Variants in CYREN observed in about 807,000 individuals in gnomAD.
CYREN encodes the protein cell cycle regulator of NHEJ.
CYREN carries 7 observed loss-of-function variants against 9.7 expected under a neutral mutation model. The observed-to-expected ratio is 0.72, with a 90% CI of 0.41 to 1.36. The LOEUF is 1.36. CYREN is among the 40% of genes most tolerant of loss of function. CYREN has a pLI of 0.01. For synonymous variants in CYREN, 76 were observed against 77.9 expected (o/e 0.98, Z 0.13); for missense variants, 215 against 198.1 (o/e 1.09, Z -0.51).
chr7:135,119,388 C>A (rs1449460244), intron 2 of CYREN, among the ~76,000 whole-genome samples: 2 of 64 alleles, frequency 0.031, no homozygotes, highest in African/African-American at 0.083. Flanking sequence ...CACCACCATG[C>A]CTGGCCCAAT....
intron 2 of CYREN, among the ~76,000 whole-genome samples, chr7:135,095,283 T>C (rs1460942957): frequency 3.3e-5 from 5 of 152,070 alleles, no homozygotes; most frequent in African/African-American, 1.2e-4. Flanking sequence ...GGATACTTCC[T>C]CTCCCCCATA....
chr7:135,138,049 A>G (rs1459894639), intron 2 of CYREN, among the ~76,000 whole-genome samples: 1 of 152,014 alleles, frequency 6.6e-6, no homozygotes, highest in Non-Finnish European at 1.5e-5. Flanking sequence ...ACATCAGACC[A>G]TAACAACCGC....
intron 2 of CYREN, among the ~76,000 whole-genome samples, chr7:135,123,212 G>A (rs55957404): frequency 0.032 from 4,801 of 152,264 alleles, 246 homozygotes; most frequent in African/African-American, 0.11. Context: ...ATGACCTGGT[G>A]GAGCTGAAAA....
chr7:135,148,274 A>T (rs1209112867), intron 2 of CYREN: 2 of 363,446 alleles, frequency 5.5e-6, no homozygotes, highest in African/African-American at 4.3e-5. Flanking sequence ...CCTTTCTGTA[A>T]GTACCGATCC....
chr7:135,164,531 C>A, downstream of CYREN: 1 of 1,614,160 alleles, frequency 6.2e-7, no homozygotes, highest in East Asian at 2.2e-5. Context: ...TGATGTTTTA[C>A]GCTCTTCTCT....
At chr7:135,096,305 G>C (rs1330684309) in intron 2 of CYREN, among the ~76,000 whole-genome samples, 1 of 151,506 alleles carries the variant, frequency 6.6e-6, no homozygotes, top group Non-Finnish European at 1.5e-5. Flanking sequence ...ACCAATGCCA[G>C]CATGGCCCAA....
At chr7:135,152,482 C>T (rs2348287) in intron 2 of CYREN, among the ~76,000 whole-genome samples, 144,962 of 152,348 alleles carry the variant, frequency 0.95, 69,319 homozygotes, top group Non-Finnish European at 1. Context: ...CTAGGCCTGT[C>T]TTCTTCTCTG....
At chr7:135,101,166 C>T (rs1447018538) in intron 2 of CYREN, 1 of 455,610 alleles carries the variant, frequency 2.2e-6, no homozygotes, top group African/African-American at 2.0e-5. Context: ...GAAAAAAATT[C>T]CCCTCAAGGG....
intron 2 of CYREN, among the ~76,000 whole-genome samples, chr7:135,096,598 T>C (rs980153932): frequency 1.7e-5 from 2 of 115,872 alleles, no homozygotes; most frequent in Admixed American, 9.8e-5. Flanking sequence ...GATAGATAGA[T>C]AGATAGATAG....
At chr7:135,141,542 TCA>T (rs1312240716) in intron 2 of CYREN, among the ~76,000 whole-genome samples, 1 of 152,130 alleles carries the variant, frequency 6.6e-6, no homozygotes, top group Non-Finnish European at 1.5e-5. Flanking sequence ...TTTTTGTGTC[TCA>T]GTTTCATTCA....
chr7:135,127,312 T>C (rs1047196730), intron 2 of CYREN, among the ~76,000 whole-genome samples: 2 of 151,534 alleles, frequency 1.3e-5, no homozygotes, highest in African/African-American at 4.8e-5. Flanking sequence ...ATCCCAGCAC[T>C]TTGGGAGGCC....
intron 2 of CYREN, among the ~76,000 whole-genome samples, chr7:135,156,482 G>A (rs907507784): frequency 6.6e-6 from 1 of 151,646 alleles, no homozygotes; most frequent in Non-Finnish European, 1.5e-5. Context: ...CTTCTGCTTG[G>A]TGTAGTCTAC....
chr7:135,155,471 C>A (rs141751710), intron 2 of CYREN, among the ~76,000 whole-genome samples: 1 of 152,202 alleles, frequency 6.6e-6, no homozygotes, highest in South Asian at 2.1e-4. Context: ...CTTTCTCTTC[C>A]TTTGTATGAT....
chr7:135,096,738 AGAAT>A lies in CYREN; in HGVS notation n.357-2160_357-2157del, dbSNP rs1366524559. Among the ~76,000 whole-genome samples, 25 of 120,184 alleles carry A rather than the reference AGAAT, an allele frequency of 2.1e-4. No homozygotes were observed. The East Asian group carries it at 3.1e-3, about 15-fold the overall frequency. 78.8% of individuals were successfully genotyped at this position (120,184 alleles called of 152,430 possible). ...AAAGAAAGAGAAGAAAGAAAGAGAA[AGAAT>A]GAAAGAAAGAAAGAAAGAAAGAAAG... On this transcript the variant is annotated intron_variant and non_coding_transcript_variant, in intron 2 of 2. Coordinates refer to the CYREN transcript ENST00000459937.
chr7:135,145,553 G>T (rs12707218), intron 2 of CYREN, among the ~76,000 whole-genome samples: 33,492 of 152,102 alleles, frequency 0.22, 4,526 homozygotes, highest in East Asian at 0.58. Flanking sequence ...TAGAATACTT[G>T]ATGCATAGAA....
upstream of CYREN, among the ~76,000 whole-genome samples, chr7:135,170,971 T>TCC (rs1830622863): frequency 1.3e-5 from 2 of 152,182 alleles, no homozygotes. Flanking sequence ...AGTTCAATTC[T>TCC]TGGCCCCTGA....
chr7:135,137,815 C>A lies in CYREN; in HGVS notation n.356+30934G>T, dbSNP rs145882392. 1.6e-4 allele frequency among the ~76,000 whole-genome samples: 25 copies of A among 152,152 alleles called. No individual in the cohort carries two copies. The Middle Eastern group carries it at 0.014, about 83-fold the overall frequency. ...GCTGGGAAGTCCAAGATCAAGATGT[C>A]AACAGATCCAGTGTCCAGTGAGGGC... is the stretch of plus-strand genomic sequence containing the variant. On this transcript the variant is annotated intron_variant and non_coding_transcript_variant, in intron 2 of 2. Coordinates refer to the CYREN transcript ENST00000459937.
chr7:135,144,328 G>A (rs1562918878), intron 2 of CYREN, among the ~76,000 whole-genome samples: 1 of 152,186 alleles, frequency 6.6e-6, no homozygotes. Flanking sequence ...CAGGTCCAGA[G>A]CAGTGGCTCA....
upstream of CYREN, among the ~76,000 whole-genome samples, chr7:135,172,460 A>C (rs1830700987): frequency 1.8e-5 from 1 of 55,962 alleles, no homozygotes; most frequent in South Asian, 6.5e-4. Context: ...TGAGCGTGGT[A>C]TTTTGTCTGG....
Sources: gnomAD v4.1 joint callset for allele counts (sites outside exome capture counted in the v4.1 genomes callset) on GRCh38, gnomAD v4.1.1 for gene constraint, MANE v1.5 for transcripts, NCBI Gene and HGNC (gene_info 2026-07-23, HGNC 2026-07-21) for gene names.